Variants in NSUN6 observed in about 807,000 individuals in gnomAD.
NSUN6 encodes the protein tRNA (cytosine(72)-C(5))-methyltransferase NSUN6.
NSUN6 carries 64 observed loss-of-function variants against 58.0 expected under a neutral mutation model. The ratio of observed to expected loss-of-function variants is 1.10; its 90% confidence interval spans 0.90 to 1.36. NSUN6 has a LOEUF of 1.36. NSUN6 is among the 40% of genes most tolerant of loss of function. The pLI is 0.00. For synonymous variants in NSUN6, 231 were observed against 193.9 expected (o/e 1.19, Z -1.59); for missense variants, 701 against 550.1 (o/e 1.27, Z -2.74).
intron 3 of NSUN6, among the ~76,000 whole-genome samples, chr10:18,619,808 T>C (rs2058537349): frequency 6.6e-6 from 1 of 152,202 alleles, no homozygotes; most frequent in Non-Finnish European, 1.5e-5. Flanking sequence ...GAAACACACT[T>C]GATAAAAGAA....
chr10:18,650,651 G>C (rs755324862), intron 1 of NSUN6, among the ~76,000 whole-genome samples: 3 of 152,064 alleles, frequency 2.0e-5, no homozygotes, highest in African/African-American at 7.2e-5. Context: ...ACAATTCCTT[G>C]AGCAGTTTTC....
At chr10:18,583,911 C>T (rs2057013317) in intron 8 of NSUN6, among the ~76,000 whole-genome samples, 1 of 152,128 alleles carries the variant, frequency 6.6e-6, no homozygotes, top group Admixed American at 6.6e-5. Flanking sequence ...TTTCCCTATT[C>T]CCCGTTTGTT....
At chr10:18,560,636 GGAATGGAATGGA>G (rs144359335) in intron 8 of NSUN6, among the ~76,000 whole-genome samples, 30,624 of 146,064 alleles carry the variant, frequency 0.21, 3,462 homozygotes, top group South Asian at 0.32. Flanking sequence ...GGAATATAAA[GGAATGGAATGGA>G]GAATGGAATG....
rs2057357751 is a variant in NSUN6, at chr10:18,590,998, A to T, written c.778-4905T>A. On this transcript the variant is annotated intron_variant, in intron 7 of 10. Coordinates refer to ENST00000377304, the MANE Select transcript of NSUN6 (RefSeq NM_182543.5). ...ACAAAACAGACCATTAGCTAGACTA[A>T]CACAGAAGAAAACAAAGAAGAATCA... 2.6e-5 allele frequency among the ~76,000 whole-genome samples: 4 copies of T among 152,212 alleles called. No individual in the cohort carries two copies. In the South Asian group the frequency reaches 8.3e-4, roughly 32 times the overall value.
Position 18,651,519 on chromosome 10 carries a change from T to C in NSUN6, c.-316A>G. 1 of 1,035,932 alleles carries C rather than the reference T, an allele frequency of 9.7e-7. No homozygotes were observed. Among genetic ancestry groups the C allele is most frequent in the Non-Finnish European group, 1.2e-6 (1 of 863,474 alleles). The allele number at this position is 1,035,932 out of a possible 1,614,324, so 64.2% of individuals were successfully genotyped here. A position where few individuals can be genotyped will look rare whatever the true frequency, so the allele number is the denominator to read the frequency against. On this transcript the variant is annotated 5_prime_UTR_variant, in exon 1 of 11. Coordinates refer to ENST00000377304, the MANE Select transcript of NSUN6 (RefSeq NM_182543.5). The stretch of plus-strand genomic sequence containing the variant: ...AAGAAAAAAATGCTTAGTAACTGAA[T>C]CCGTGGTGAAACGGACGCAGATCAG...
chr10:18,586,190 G>T (rs1027545982), intron 7 of NSUN6, 97 bp from the exon 8 acceptor site: 2 of 993,496 alleles, frequency 2.0e-6, no homozygotes, highest in South Asian at 1.9e-5. Context: ...GAAAAATTAT[G>T]GTCTTTTCCA....
intron 3 of NSUN6, among the ~76,000 whole-genome samples, chr10:18,620,383 G>T (rs1249152900): frequency 6.6e-6 from 1 of 151,932 alleles, no homozygotes; most frequent in African/African-American, 2.4e-5. Flanking sequence ...CACTGCGCCC[G>T]ACAATAAAAA....
intron 5 of NSUN6, among the ~76,000 whole-genome samples, chr10:18,610,750 A>G (rs1053721766): frequency 1.5e-4 from 23 of 152,186 alleles, no homozygotes; most frequent in African/African-American, 5.5e-4. Flanking sequence ...TGAAGCAGAG[A>G]AAGAACACGC....
intron 8 of NSUN6, among the ~76,000 whole-genome samples, chr10:18,573,152 TCATTC>T (rs888440696): frequency 6.6e-6 from 1 of 150,430 alleles, no homozygotes; most frequent in African/African-American, 2.4e-5. Flanking sequence ...ACTCTCCATT[TCATTC>T]CATTCCATTC....
chr10:18,653,175 A>G, upstream of NSUN6: 1 of 984,584 alleles, frequency 1.0e-6, no homozygotes, highest in Non-Finnish European at 1.2e-6. Context: ...ACTACATTTT[A>G]AACTCCACAA....
intron 7 of NSUN6, among the ~76,000 whole-genome samples, chr10:18,590,352 C>T (rs1407019857): frequency 2.0e-5 from 3 of 152,146 alleles, no homozygotes; most frequent in Non-Finnish European, 4.4e-5. Flanking sequence ...ATCAATGAGA[C>T]AGAAAATTAA....
At chr10:18,551,043 A>T (rs968922793) in intron 9 of NSUN6, among the ~76,000 whole-genome samples, 17 of 152,182 alleles carry the variant, frequency 1.1e-4, no homozygotes, top group Non-Finnish European at 2.1e-4. Context: ...TATTTTTTTA[A>T]AAAAAAGAGT....
chr10:18,634,830 A>G (rs1407959156), intron 3 of NSUN6, among the ~76,000 whole-genome samples: 1 of 152,080 alleles, frequency 6.6e-6, no homozygotes, highest in Non-Finnish European at 1.5e-5. Flanking sequence ...ATGGAGTTGA[A>G]AAATGTGTTA....
chr10:18,606,639 G>C (rs1028753897), intron 6 of NSUN6, among the ~76,000 whole-genome samples: 2 of 152,060 alleles, frequency 1.3e-5, no homozygotes, highest in South Asian at 4.2e-4. Flanking sequence ...GGAGAAACTG[G>C]GTGAAGGGTA....
At chr10:18,568,796 CA>C (rs2130949409) in intron 8 of NSUN6, among the ~76,000 whole-genome samples, 2 of 151,606 alleles carry the variant, frequency 1.3e-5, no homozygotes, top group South Asian at 4.2e-4. Flanking sequence ...TTCTTCATTC[CA>C]TTCCACATTC....
At chr10:18,578,356 C>T (rs1307872777) in intron 8 of NSUN6, among the ~76,000 whole-genome samples, 1 of 151,360 alleles carries the variant, frequency 6.6e-6, no homozygotes, top group Admixed American at 6.6e-5. Flanking sequence ...CCCTCAGCTT[C>T]CTGAGTGGCT....
At chr10:18,633,902 A>G (rs4237349) in intron 3 of NSUN6, among the ~76,000 whole-genome samples, 30,317 of 152,148 alleles carry the variant, frequency 0.2, 3,300 homozygotes, top group South Asian at 0.31. Flanking sequence ...TATGAGCTGA[A>G]GCCTTCACAG....
intron 3 of NSUN6, among the ~76,000 whole-genome samples, chr10:18,637,206 A>AC (rs1274197384): frequency 5.3e-5 from 8 of 151,496 alleles, no homozygotes; most frequent in Admixed American, 3.3e-4. Flanking sequence ...CAGGTGATCC[A>AC]CCCCCCTGGG....
At chr10:18,556,151 G>A (rs897087945) in intron 8 of NSUN6, among the ~76,000 whole-genome samples, 1 of 150,316 alleles carries the variant, frequency 6.7e-6, no homozygotes, top group African/African-American at 2.5e-5. Flanking sequence ...GAATGGAATG[G>A]AATGGAGAAT....
Sources: gnomAD v4.1 joint callset for allele counts (sites outside exome capture counted in the v4.1 genomes callset) on GRCh38, gnomAD v4.1.1 for gene constraint, MANE v1.5 for transcripts, NCBI Gene and HGNC (gene_info 2026-07-23, HGNC 2026-07-21) for gene names.